The following AIFM2 variants were observed in gnomAD, a reference collection of about 807,000 sequenced individuals.
AIFM2 encodes AIF family member 2, ferroptosis suppressor, also known as ferroptosis suppressor protein 1.
A neutral mutation model predicts 35.7 loss-of-function variants in AIFM2; 38 were observed. That is an observed-to-expected ratio of 1.06 (90% CI 0.82 to 1.39). AIFM2 has a LOEUF of 1.39. Among genes scored for constraint, AIFM2 ranks in the 40% most tolerant of loss-of-function variants. The probability of loss-of-function intolerance (pLI) is 0.00; values close to 1 mark genes in which losing one functional copy is unlikely to be tolerated. For missense variants in AIFM2, 476 were observed against 491.2 expected (o/e 0.97, Z 0.29); for synonymous variants, 185 against 203.5 (o/e 0.91, Z 0.77).
intron 5 of AIFM2, 76 bp downstream of exon 5, chr10:70,120,431 A>C: frequency 6.8e-7 from 1 of 1,469,662 alleles, no homozygotes; most frequent in Non-Finnish European, 9.5e-7. Context: ...TGCCCTGAGC[A>C]AATTCCTGAT....
At position 70,123,531 on chromosome 10, in the gene AIFM2, G is replaced by C. The variant is rs771381498; in HGVS notation, c.179-11C>G. On this transcript the variant is annotated splice_polypyrimidine_tract_variant and intron_variant, in intron 2 of 8. Coordinates refer to ENST00000307864, the MANE Select transcript of AIFM2 (RefSeq NM_032797.6). ...TCTTTTTGGCGAACCCTGGGGAAGG[G>C]ACACAGAAGAGGTCATAGGGCAGAG... 2.4e-5 allele frequency: 39 copies of C among 1,611,730 alleles called. No homozygotes were observed. The highest frequency in any genetic ancestry group is 3.3e-5 in the Non-Finnish European group (39 of 1,177,892).
chr10:70,118,591 C>T (rs1431548116), intron 5 of AIFM2, among the ~76,000 whole-genome samples: 1 of 152,206 alleles, frequency 6.6e-6, no homozygotes, highest in Non-Finnish European at 1.5e-5. Flanking sequence ...TTACTGTCTA[C>T]AAATCCTAAA....
rs756117637 is a variant in AIFM2 at position 70,123,412 on chromosome 10, C to A, written c.287G>T (p.Gly96Val). ...DLKNQMVLLQGGEALPFSHLI... is the reference protein window; with the variant it reads ...DLKNQMVLLQVGEALPFSHLI... ...GGGCTGGCCCTCACTCACCTCGCCA[C>A]CCTGCAGCAGCACCATCTGGTTCTT... The change falls in exon 3 of 9, where the codon GGT (glycine) becomes GTT (valine). Residue 96 changes from glycine to valine, a missense_variant. Coordinates refer to ENST00000307864, the MANE Select transcript of AIFM2 (RefSeq NM_032797.6). The A allele has an allele frequency of 6.2e-7, 1 of 1,613,992 alleles. No homozygotes were observed. The highest frequency in any genetic ancestry group is 8.5e-7 in the Non-Finnish European group (1 of 1,179,966).
intron 1 of AIFM2, among the ~76,000 whole-genome samples, chr10:70,129,889 T>TAAA (rs151315683): frequency 6.0e-5 from 9 of 149,250 alleles, no homozygotes; most frequent in African/African-American, 2.2e-4. Flanking sequence ...CCCCATCTTT[T>TAAA]AAAAAAAAAA....
chr10:70,128,143 G>A (rs1379476001), intron 1 of AIFM2, among the ~76,000 whole-genome samples: 1 of 152,210 alleles, frequency 6.6e-6, no homozygotes, highest in African/African-American at 2.4e-5. Flanking sequence ...TGCATTTCCA[G>A]CCACACACCC....
At chr10:70,116,804 G>C in intron 6 of AIFM2, 30 bp from the exon 7 acceptor site, 1 of 1,611,838 alleles carries the variant, frequency 6.2e-7, no homozygotes, top group South Asian at 1.1e-5. Context: ...CAGGAGGCTG[G>C]TGGGGACAGG....
intron 4 of AIFM2, among the ~76,000 whole-genome samples, 192 bp downstream of exon 4, chr10:70,120,900 G>T (rs918373991): frequency 7.9e-5 from 12 of 152,170 alleles, no homozygotes; most frequent in African/African-American, 2.9e-4. Flanking sequence ...GGTTTAGGGT[G>T]CTCACATCCT....
In AIFM2 at chr10:70,121,300, T is replaced by G. The variant is rs903379146; in HGVS notation, c.295-89A>C. The G allele has an allele frequency of 6.5e-6, 9 of 1,387,900 alleles. No individual in the cohort carries two copies. The African/African-American group carries it at 1.1e-4, about 17-fold the overall frequency. The allele number at this position is 1,387,900 out of a possible 1,614,324, so 86.0% of individuals were successfully genotyped here. On this transcript the variant is annotated intron_variant, in intron 3 of 8. Transcript: ENST00000307864. ...GCAGGCCTAGGCCTCTGCATCCTAC[T>G]CCCGGCCTGCCAGCCGGGACAAACC...
intron 7 of AIFM2, among the ~76,000 whole-genome samples, chr10:70,115,705 G>A (rs1266778386): frequency 6.6e-6 from 1 of 152,218 alleles, no homozygotes; most frequent in Non-Finnish European, 1.5e-5. Context: ...GGTGGAGGTT[G>A]CAGTGAGCCA....
rs1407434620 is a variant in AIFM2, at chr10:70,123,764, T to C, written c.178+143A>G. ...TGGTGGCTACTTAAGACCAAAGACC[T>C]TGAGCTTCTCCAGAACTTGTCTGAC... On this transcript the variant is annotated intron_variant, in intron 2 of 8. Transcript: ENST00000307864. 4 of 988,708 alleles carry C rather than the reference T, an allele frequency of 4.0e-6. No individual in the cohort carries two copies. In the African/African-American group the frequency reaches 5.0e-5, roughly 12 times the overall value. 61.2% of individuals were successfully genotyped at this position (988,708 alleles called of 1,614,324 possible). A position where few individuals can be genotyped will look rare whatever the true frequency, so the allele number is the denominator to read the frequency against.
At chr10:70,120,230 CT>C (rs1008399436) in intron 5 of AIFM2, among the ~76,000 whole-genome samples, 1 of 152,260 alleles carries the variant, frequency 6.6e-6, no homozygotes, top group Non-Finnish European at 1.5e-5. Context: ...GGTATTGCCC[CT>C]GGGCTTGATC....
In AIFM2 at chr10:70,123,347, G is replaced by A. The variant is rs112605969; in HGVS notation, c.294+58C>T. ...CTCTCTCTTGACCCTGGAGGATCCC[G>A]CCCAGGCCCTGCAGAGGGCCCTTGA... On this transcript the variant is annotated intron_variant, in intron 3 of 8. Transcript: ENST00000307864. 10,346 of 1,459,944 alleles carry A rather than the reference G, an allele frequency of 7.1e-3. 132 individuals carry two copies. Among genetic ancestry groups the A allele is most frequent in the African/African-American group, 0.05 (3,592 of 71,768 alleles). The allele number at this position is 1,459,944 out of a possible 1,614,324, so 90.4% of individuals were successfully genotyped here. A position where few individuals can be genotyped will look rare whatever the true frequency, so the allele number is the denominator to read the frequency against.
Position 70,123,995 on chromosome 10 carries a change from C to A in AIFM2, c.90G>T (p.Leu30=). 1 of 1,613,074 alleles carries A rather than the reference C, an allele frequency of 6.2e-7. No homozygotes were observed. Among genetic ancestry groups the A allele is most frequent in the Non-Finnish European group, 8.5e-7 (1 of 1,179,454 alleles). ...GCATGAAGGGGACGTTCAGGGCCTG[C>A]AGCTGGCTGGCTGCTGCGATCCCGC... ...GFGGIAAASQ[L]QALNVPFMLV... The change falls in exon 2 of 9, where the codon CTG becomes CTT. Residue 30 remains leucine, a synonymous_variant. Coordinates refer to ENST00000307864, the MANE Select transcript of AIFM2 (RefSeq NM_032797.6).
intron 5 of AIFM2, 141 bp from the exon 6 acceptor site, chr10:70,118,061 C>T (rs2072458305): frequency 1.6e-6 from 1 of 638,564 alleles, no homozygotes; most frequent in Non-Finnish European, 2.7e-6. Context: ...CTGTCCAATG[C>T]CAGGACCAAT....
rs541449101 is a variant in AIFM2, at chr10:70,128,672, C to T, written c.-14+4062G>A. On this transcript the variant is annotated intron_variant, in intron 1 of 8. Transcript: ENST00000307864. The stretch of plus-strand genomic sequence containing the variant: ...GCCACTGTGCCCAGCCTGTGAATGA[C>T]GTTTTTATACAAAAAGTCTGTCCAT... Among the ~76,000 whole-genome samples, 21 of 152,278 alleles carry T rather than the reference C, an allele frequency of 1.4e-4. No homozygotes were observed. In the South Asian group the frequency reaches 2.1e-3, roughly 15 times the overall value.
In AIFM2 at chr10:70,123,965, C is replaced by T. The variant is rs1318104120; in HGVS notation, c.120G>A (p.Val40=). 6.2e-7 allele frequency: 1 copy of T among 1,612,174 alleles called. No individual in the cohort carries two copies. The highest frequency in any genetic ancestry group is 8.5e-7 in the Non-Finnish European group (1 of 1,178,916). Residue 40 remains valine, a synonymous_variant, in exon 2 of 9, where the codon GTG becomes GTA. Coordinates refer to ENST00000307864, the MANE Select transcript of AIFM2 (RefSeq NM_032797.6). The stretch of plus-strand genomic sequence containing the variant: ...TGTGGTGGAAGGAGTCCTTCATGTC[C>T]ACCAGCATGAAGGGGACGTTCAGGG... ...LQALNVPFML[V]DMKDSFHHNV...
chr10:70,119,063 C>A (rs2072468966), intron 5 of AIFM2, among the ~76,000 whole-genome samples: 1 of 152,172 alleles, frequency 6.6e-6, no homozygotes, highest in Admixed American at 6.6e-5. Flanking sequence ...CCCTAAAGTA[C>A]AGGGTTCAGA....
At chr10:70,122,436 G>T (rs948647522) in intron 3 of AIFM2, among the ~76,000 whole-genome samples, 2 of 152,180 alleles carry the variant, frequency 1.3e-5, no homozygotes, top group African/African-American at 4.8e-5. Context: ...TTTTGTCAAC[G>T]CCCCCTTAGC....
intron 1 of AIFM2, among the ~76,000 whole-genome samples, chr10:70,129,374 A>ATAT (rs2072603477): frequency 6.6e-6 from 1 of 151,884 alleles, no homozygotes; most frequent in African/African-American, 2.4e-5. Flanking sequence ...TATATATATA[A>ATAT]AATATATGTT....
Sources: allele counts gnomAD v4.1 joint callset (sites outside exome capture counted in the v4.1 genomes callset), GRCh38; gene constraint gnomAD v4.1.1; transcripts MANE v1.5; gene names NCBI Gene and HGNC (gene_info 2026-07-23, HGNC 2026-07-21).